The following MAGI1 variants were observed in gnomAD, a reference collection of about 807,000 sequenced individuals.
MAGI1 encodes membrane associated guanylate kinase, WW and PDZ domain containing 1.
Under a neutral mutation model 139.9 loss-of-function variants are expected in MAGI1, and 58 were observed. That is an observed-to-expected ratio of 0.41 (90% CI 0.34 to 0.52). The LOEUF (loss-of-function observed/expected upper bound fraction) is 0.52. MAGI1 is among the 20% of genes least tolerant of loss of function. MAGI1 has a pLI of 0.12. For missense variants in MAGI1, 1,874 were observed against 1,901.6 expected (o/e 0.99, Z 0.27); for synonymous variants, 812 against 737.9 (o/e 1.10, Z -1.63).
intron 14 of MAGI1, chr3:65,387,178 C>T: frequency 6.2e-7 from 1 of 1,611,772 alleles, no homozygotes. Context: ...ATTGATTTCT[C>T]TCTCTCTCTC....
At chr3:65,430,450 A>G (rs1471175870) in intron 11 of MAGI1, among the ~76,000 whole-genome samples, 1 of 152,090 alleles carries the variant, frequency 6.6e-6, no homozygotes, top group Non-Finnish European at 1.5e-5. Flanking sequence ...AGTTTTAGTA[A>G]CTCATTGCTT....
intron 1 of MAGI1, among the ~76,000 whole-genome samples, chr3:65,635,691 C>G (rs1367287822): frequency 6.6e-6 from 1 of 152,186 alleles, no homozygotes; most frequent in Admixed American, 6.5e-5. Flanking sequence ...AACTGAGATC[C>G]CATTGGTATT....
At chr3:65,483,403 C>A (rs1192438231) in intron 3 of MAGI1, among the ~76,000 whole-genome samples, 1 of 152,218 alleles carries the variant, frequency 6.6e-6, no homozygotes, top group African/African-American at 2.4e-5. Flanking sequence ...TCCACCTTTG[C>A]AATGGTTTGC....
chr3:65,855,892 G>C (rs770867395), intron 1 of MAGI1, among the ~76,000 whole-genome samples: 2 of 151,772 alleles, frequency 1.3e-5, no homozygotes, highest in African/African-American at 2.4e-5. Context: ...GCAACAGCTA[G>C]TCACTGGAAG....
At chr3:65,900,593 T>C (rs2061184537) in intron 1 of MAGI1, among the ~76,000 whole-genome samples, 1 of 152,174 alleles carries the variant, frequency 6.6e-6, no homozygotes, top group Non-Finnish European at 1.5e-5. Context: ...AACTTGAAAT[T>C]GGCGTGAAGA....
chr3:65,961,785 TAA>T (rs2064438003), intron 1 of MAGI1, among the ~76,000 whole-genome samples: 1 of 152,156 alleles, frequency 6.6e-6, no homozygotes, highest in Admixed American at 6.5e-5. Context: ...AACTTTCCAA[TAA>T]AGACAGACTC....
intron 1 of MAGI1, among the ~76,000 whole-genome samples, chr3:65,943,793 G>C (rs1283062413): frequency 6.6e-6 from 1 of 152,168 alleles, no homozygotes; most frequent in Non-Finnish European, 1.5e-5. Context: ...TAGAGAAGCA[G>C]TATCACAACA....
chr3:65,744,378 G>A (rs2035521180), intron 1 of MAGI1, among the ~76,000 whole-genome samples: 1 of 152,180 alleles, frequency 6.6e-6, no homozygotes, highest in African/African-American at 2.4e-5. Flanking sequence ...CTCCCTCCGA[G>A]GGCCCAAAGT....
At chr3:65,420,040 T>C (rs1431859337) in intron 12 of MAGI1, among the ~76,000 whole-genome samples, 1 of 152,132 alleles carries the variant, frequency 6.6e-6, no homozygotes, top group African/African-American at 2.4e-5. Context: ...CTAACACTCT[T>C]GCTTGAACTA....
chr3:65,740,004 A>C (rs1338734742), intron 1 of MAGI1, among the ~76,000 whole-genome samples: 3 of 152,232 alleles, frequency 2.0e-5, no homozygotes, highest in African/African-American at 7.2e-5. Flanking sequence ...GTTGTAAAAA[A>C]AAAAATGCAG....
chr3:65,414,349 A>T (rs1946026308), intron 12 of MAGI1, among the ~76,000 whole-genome samples: 1 of 152,234 alleles, frequency 6.6e-6, no homozygotes, highest in Non-Finnish European at 1.5e-5. Flanking sequence ...AGTTTCATAA[A>T]AGGGCGTGAC....
At chr3:65,585,187 T>C (rs942687679) in intron 2 of MAGI1, among the ~76,000 whole-genome samples, 1 of 152,164 alleles carries the variant, frequency 6.6e-6, no homozygotes, top group Non-Finnish European at 1.5e-5. Context: ...AGCCAAGATA[T>C]AAACCCAGAT....
At chr3:65,438,252 T>C (rs1205358065) in intron 9 of MAGI1, among the ~76,000 whole-genome samples, 1 of 152,166 alleles carries the variant, frequency 6.6e-6, no homozygotes, top group Non-Finnish European at 1.5e-5. Flanking sequence ...TAGAGACCAT[T>C]ACCTTAAGTG....
At chr3:65,570,612 A>G (rs996024694) in intron 2 of MAGI1, among the ~76,000 whole-genome samples, 2 of 152,198 alleles carry the variant, frequency 1.3e-5, no homozygotes, top group African/African-American at 4.8e-5. Flanking sequence ...GATATCCAGG[A>G]TTTGCTACAA....
At chr3:65,981,941 T>C (rs577230526) in intron 1 of MAGI1, among the ~76,000 whole-genome samples, 1 of 152,328 alleles carries the variant, frequency 6.6e-6, no homozygotes, top group African/African-American at 2.4e-5. Flanking sequence ...CAGTATTAAA[T>C]GCTCAAGAGA....
At chr3:65,735,722 C>G (rs1214708674) in intron 1 of MAGI1, among the ~76,000 whole-genome samples, 1 of 152,142 alleles carries the variant, frequency 6.6e-6, no homozygotes, top group Middle Eastern at 3.2e-3. Context: ...ATGTGCTGAC[C>G]AAGGAGGCTC....
chr3:65,516,483 G>T (rs1372342927), intron 2 of MAGI1, among the ~76,000 whole-genome samples: 1 of 151,690 alleles, frequency 6.6e-6, no homozygotes, highest in Non-Finnish European at 1.5e-5. Context: ...GGCCGACCCT[G>T]TCTCTTTTTA....
At chr3:65,386,398 G>A (rs553985118) in intron 14 of MAGI1, among the ~76,000 whole-genome samples, 14 of 152,152 alleles carry the variant, frequency 9.2e-5, no homozygotes, top group Admixed American at 7.2e-4. Flanking sequence ...CATAAACGTC[G>A]ACACACAGAC....
intron 14 of MAGI1, among the ~76,000 whole-genome samples, chr3:65,387,779 A>T (rs1475481042): frequency 6.6e-6 from 1 of 152,220 alleles, no homozygotes; most frequent in African/African-American, 2.4e-5. Flanking sequence ...TGCTCTTAAA[A>T]TCTGGAGGTA....
Sources: gnomAD v4.1 joint callset for allele counts (sites outside exome capture counted in the v4.1 genomes callset) on GRCh38, gnomAD v4.1.1 for gene constraint, MANE v1.5 for transcripts, NCBI Gene and HGNC (gene_info 2026-07-23, HGNC 2026-07-21) for gene names.